ATG7: variants seen among roughly 807,000 people sequenced by gnomAD.
ATG7 encodes ubiquitin-like modifier-activating enzyme ATG7.
In ATG7, 70 loss-of-function variants were observed where a neutral mutation model predicts 82.4. That is an observed-to-expected ratio of 0.85 (90% CI 0.70 to 1.04). ATG7 has a LOEUF of 1.04. Among genes scored for constraint, ATG7 ranks in the 50% least tolerant of loss-of-function variants. The pLI is 0.00. For synonymous variants in ATG7, 287 were observed against 313.0 expected, an observed-to-expected ratio of 0.92 and a Z score of 0.88; for missense variants, 792 against 864.3, an observed-to-expected ratio of 0.92 and a Z score of 1.05.
the ATG7 span, among the ~76,000 whole-genome samples, chr3:11,567,432 C>T: frequency 2.2e-4 from 34 of 152,024 alleles, no homozygotes; most frequent in Non-Finnish European, 4.9e-4. Context: ...ATCTTAAAAG[C>T]AATTAAGGAT....
intron 19 of ATG7, among the ~76,000 whole-genome samples, chr3:11,418,033 G>C (rs879677074): frequency 6.6e-6 from 1 of 150,774 alleles, no homozygotes; most frequent in South Asian, 2.1e-4. Flanking sequence ...GGATGGTCTC[G>C]ATCTCCTAAC....
In ATG7 at chr3:11,314,413, T is replaced by TG. The variant is rs1284442765; in HGVS notation, c.529-931_529-930insG. Reference sequence around the variant, plus strand: ...GAGCAGCCATTATTGATTAAATTTTTTTTGTTGTTGTTCGTACAAATCCGA... The same window carrying TG: ...GAGCAGCCATTATTGATTAAATTTTTGTTTGTTGTTGTTCGTACAAATCCGA... On this transcript the variant is annotated intron_variant, in intron 8 of 20. Transcript: ENST00000693202. Among the ~76,000 whole-genome samples the TG allele has an allele frequency of 1.7e-3, 70 of 40,222 alleles. 1 individual carries two copies. Among genetic ancestry groups the TG allele is most frequent in the African/African-American group, 6.9e-3 (46 of 6,680 alleles). The allele number at this position is 40,222 out of a possible 152,430, so 26.4% of individuals were successfully genotyped here. A position where few individuals can be genotyped will look rare whatever the true frequency, so the allele number is the denominator to read the frequency against.
At chr3:11,499,245 T>C (rs1429950862) in intron 20 of ATG7, among the ~76,000 whole-genome samples, 1 of 78,316 alleles carries the variant, frequency 1.3e-5, no homozygotes, top group Admixed American at 1.5e-4. Flanking sequence ...AGATGAGACA[T>C]TGCCACATTC....
chr3:11,515,027 G>C (rs931546133), intron 20 of ATG7, among the ~76,000 whole-genome samples: 3 of 151,926 alleles, frequency 2.0e-5, no homozygotes, highest in Non-Finnish European at 4.4e-5. Flanking sequence ...TTTTAGTAGA[G>C]ACAGGGTTTC....
intron 20 of ATG7, among the ~76,000 whole-genome samples, chr3:11,434,629 G>A (rs577342064): frequency 6.6e-6 from 1 of 152,174 alleles, no homozygotes; most frequent in Non-Finnish European, 1.5e-5. Flanking sequence ...TTTATAAAAT[G>A]TGTACCTTTT....
chr3:11,311,790 A>C (rs1368495921), intron 7 of ATG7, among the ~76,000 whole-genome samples: 1 of 152,042 alleles, frequency 6.6e-6, no homozygotes, highest in Non-Finnish European at 1.5e-5. Context: ...TCAGCTTTGC[A>C]GTTCATTTTG....
At chr3:11,439,296 T>G (rs998251049) in intron 20 of ATG7, among the ~76,000 whole-genome samples, 2 of 152,042 alleles carry the variant, frequency 1.3e-5, no homozygotes, top group African/African-American at 2.4e-5. Flanking sequence ...CTCGAACTCC[T>G]TACCTCAAAT....
intron 3 of ATG7, among the ~76,000 whole-genome samples, chr3:11,289,844 A>G (rs924982313): frequency 4.6e-5 from 7 of 151,978 alleles, no homozygotes; most frequent in Admixed American, 1.3e-4. Context: ...ATGGGCATGG[A>G]CCACTGCACT....
chr3:11,337,488 CTATA>C (rs542151066), intron 11 of ATG7, among the ~76,000 whole-genome samples: 2 of 141,130 alleles, frequency 1.4e-5, no homozygotes, highest in Non-Finnish European at 3.0e-5. Flanking sequence ...CTCTCTCTCT[CTATA>C]TATATATATA....
At chr3:11,403,280 C>T (rs948378116) in intron 19 of ATG7, among the ~76,000 whole-genome samples, 27 of 151,426 alleles carry the variant, frequency 1.8e-4, no homozygotes, top group African/African-American at 6.1e-4. Context: ...AGGAAGTCCT[C>T]ATTGGAGTAA....
intron 2 of ATG7, among the ~76,000 whole-genome samples, chr3:11,281,508 C>T (rs935327585): frequency 3.3e-5 from 5 of 152,178 alleles, no homozygotes; most frequent in African/African-American, 7.2e-5. Context: ...TGTGGTGGCT[C>T]ACGCCTATAA....
chr3:11,509,370 T>G (rs2153073532), intron 20 of ATG7, among the ~76,000 whole-genome samples: 1 of 151,996 alleles, frequency 6.6e-6, no homozygotes, highest in Non-Finnish European at 1.5e-5. Flanking sequence ...GTTTTTTTTC[T>G]GATGCAACAT....
At chr3:11,397,212 T>C (rs1415156913) in intron 19 of ATG7, among the ~76,000 whole-genome samples, 1 of 152,098 alleles carries the variant, frequency 6.6e-6, no homozygotes, top group Non-Finnish European at 1.5e-5. Context: ...AAATAAGATA[T>C]AAGAACATAA....
chr3:11,440,575 C>T (rs368846094), intron 20 of ATG7, among the ~76,000 whole-genome samples: 3 of 150,268 alleles, frequency 2.0e-5, no homozygotes, highest in East Asian at 2.0e-4. Context: ...CCGCCCGCCT[C>T]GGCCTCCCAA....
At chr3:11,389,110 T>C (rs192345285) in intron 19 of ATG7, among the ~76,000 whole-genome samples, 8 of 151,770 alleles carry the variant, frequency 5.3e-5, no homozygotes, top group African/African-American at 1.9e-4. Context: ...TAGCCACACT[T>C]GTAATCCCAG....
At chr3:11,468,574 G>T (rs536379304) in intron 20 of ATG7, among the ~76,000 whole-genome samples, 1 of 152,102 alleles carries the variant, frequency 6.6e-6, no homozygotes, top group Non-Finnish European at 1.5e-5. Context: ...TAGCCCTCTC[G>T]ATCCCCACAG....
At chr3:11,462,153 G>T (rs1001045920) in intron 20 of ATG7, among the ~76,000 whole-genome samples, 1 of 152,108 alleles carries the variant, frequency 6.6e-6, no homozygotes, top group African/African-American at 2.4e-5. Flanking sequence ...GGAAGCCATT[G>T]CCTTCAAGAG....
At chr3:11,301,063 C>A (rs571595691) in intron 5 of ATG7, among the ~76,000 whole-genome samples, 1 of 151,990 alleles carries the variant, frequency 6.6e-6, no homozygotes, top group Non-Finnish European at 1.5e-5. Context: ...AAAGATGATA[C>A]AGAACTAGCG....
intron 20 of ATG7, among the ~76,000 whole-genome samples, chr3:11,501,708 T>C (rs536249988): frequency 6.6e-6 from 1 of 152,086 alleles, no homozygotes; most frequent in South Asian, 2.1e-4. Flanking sequence ...TTTTATTTTT[T>C]AGACAGAGTC....
Sources: gnomAD v4.1 joint callset for allele counts (sites outside exome capture counted in the v4.1 genomes callset) on GRCh38, gnomAD v4.1.1 for gene constraint, MANE v1.5 for transcripts, NCBI Gene and HGNC (gene_info 2026-07-23, HGNC 2026-07-21) for gene names.